The following ADRA1A variants were observed in gnomAD, a reference collection of about 807,000 sequenced individuals.
ADRA1A encodes adrenoceptor alpha 1A.
Under a neutral mutation model 29.6 loss-of-function variants are expected in ADRA1A, and 31 were observed. That is an observed-to-expected ratio of 1.05 (90% CI 0.79 to 1.41). The LOEUF is 1.41. ADRA1A is among the 40% of genes most tolerant of loss of function. The probability of loss-of-function intolerance (pLI) is 0.00; values close to 1 mark genes in which losing one functional copy is unlikely to be tolerated. For missense variants in ADRA1A, 619 were observed against 601.1 expected (o/e 1.03, Z -0.31); for synonymous variants, 311 against 254.3 (o/e 1.22, Z -2.12).
At chr8:26,804,060 C>T (rs1030001567) in intron 2 of ADRA1A, among the ~76,000 whole-genome samples, 2 of 151,298 alleles carry the variant, frequency 1.3e-5, no homozygotes, top group Admixed American at 6.6e-5. Context: ...TAGCTGAGGC[C>T]GCAGGTGTGT....
chr8:26,844,997 G>C (rs552737726), intron 2 of ADRA1A, among the ~76,000 whole-genome samples: 1 of 152,158 alleles, frequency 6.6e-6, no homozygotes, highest in Admixed American at 6.5e-5. Context: ...ATTCAAAGCC[G>C]TCCTGGCCAT....
intron 2 of ADRA1A, among the ~76,000 whole-genome samples, chr8:26,795,159 G>T (rs1367050384): frequency 6.6e-6 from 1 of 151,976 alleles, no homozygotes; most frequent in Non-Finnish European, 1.5e-5. Context: ...TCCAGGTCTG[G>T]CCAGGAAACA....
intron 2 of ADRA1A, among the ~76,000 whole-genome samples, chr8:26,820,028 A>G (rs140802651): frequency 6.6e-6 from 1 of 152,344 alleles, no homozygotes; most frequent in East Asian, 1.9e-4. Flanking sequence ...ATATAATGAT[A>G]AAGGGGTCAA....
At chr8:26,829,268 A>C (rs1192624943) in intron 2 of ADRA1A, among the ~76,000 whole-genome samples, 1 of 152,174 alleles carries the variant, frequency 6.6e-6, no homozygotes, top group Non-Finnish European at 1.5e-5. Context: ...ATAGGCTGAC[A>C]AAAAGTGGCT....
downstream of ADRA1A, among the ~76,000 whole-genome samples, chr8:26,760,997 C>G (rs550070957): frequency 4.6e-5 from 7 of 152,326 alleles, no homozygotes; most frequent in Admixed American, 2.0e-4. Flanking sequence ...ACTTGTTCTG[C>G]TGTGCACCCC....
chr8:26,757,859 G>GCACGCACACA (rs140381456), intron 2 of ADRA1A, among the ~76,000 whole-genome samples: 74,121 of 151,244 alleles, frequency 0.49, 19,289 homozygotes, highest in East Asian at 0.79. Flanking sequence ...ATAAGCACAC[G>GCACGCACACA]CACACACACA....
chr8:26,864,453 C>A lies in ADRA1A; in HGVS notation c.517G>T (p.Glu173Ter). Residue 173 changes from glutamate (E) to a stop codon, truncating the protein, a stop_gained, in exon 2 of 3, where the codon GAG becomes TAG. Coordinates refer to ENST00000380573, the MANE Select transcript of ADRA1A (RefSeq NM_000680.4). LOFTEE classifies it high-confidence loss of function. This position sits in a 1 kb window ranked among gnomAD's most constrained non-coding sequence, Gnocchi z 8.1. ...FGWRQPAPED[E>*]TICQINEEPG... is the part of the protein sequence containing the mutation. ...TCCTCGTTGATCTGGCAGATGGTCTCGTCCTCGGGGGCCGGCTGCCTCCAG... is the reference window on the plus strand; with the variant it reads ...TCCTCGTTGATCTGGCAGATGGTCTAGTCCTCGGGGGCCGGCTGCCTCCAG... 1 of 1,613,452 alleles carries A rather than the reference C, an allele frequency of 6.2e-7. No homozygotes were observed. The highest frequency in any genetic ancestry group is 1.1e-5 in the South Asian group (1 of 91,078).
chr8:26,866,941 G>A lies in ADRA1A; in HGVS notation c.-692C>T. Reference sequence around the variant, plus strand: ...GCCGGCCCCGGCGCACTCACCTGAAGCGCCGCTGCTGAGCCACCAGCTCGC... The same window carrying A: ...GCCGGCCCCGGCGCACTCACCTGAAACGCCGCTGCTGAGCCACCAGCTCGC... On this transcript the variant is annotated 5_prime_UTR_variant, in exon 1 of 3. Transcript: ENST00000380573. The surrounding 1 kb of genome is among the most constrained non-coding windows in gnomAD (Gnocchi z 5.7). 1.0e-6 allele frequency: 1 copy of A among 985,474 alleles called. No homozygotes were observed. The highest frequency in any genetic ancestry group is 1.2e-6 in the Non-Finnish European group (1 of 830,026). 61.0% of individuals were successfully genotyped at this position (985,474 alleles called of 1,614,324 possible). A position where few individuals can be genotyped will look rare whatever the true frequency, so the allele number is the denominator to read the frequency against.
intron 2 of ADRA1A, among the ~76,000 whole-genome samples, chr8:26,835,496 T>C (rs1327795619): frequency 6.6e-6 from 1 of 152,192 alleles, no homozygotes; most frequent in African/African-American, 2.4e-5. Context: ...AAACACATCC[T>C]TCTTCACAGC....
chr8:26,774,995 T>A (rs1806438737), intron 2 of ADRA1A, among the ~76,000 whole-genome samples: 1 of 152,212 alleles, frequency 6.6e-6, no homozygotes, highest in Non-Finnish European at 1.5e-5. Flanking sequence ...CCTCCAGCCA[T>A]CAGGACCTAG....
At chr8:26,817,893 A>G (rs1429655035) in intron 2 of ADRA1A, among the ~76,000 whole-genome samples, 1 of 152,266 alleles carries the variant, frequency 6.6e-6, no homozygotes, top group Non-Finnish European at 1.5e-5. Flanking sequence ...GTGAATGTTT[A>G]CAGTGGCTTT....
intron 2 of ADRA1A, among the ~76,000 whole-genome samples, chr8:26,777,191 A>C (rs1806612364): frequency 6.6e-6 from 1 of 152,176 alleles, no homozygotes; most frequent in African/African-American, 2.4e-5. Context: ...GTCAGCAAGA[A>C]GTTTTTAGAT....
chr8:26,800,600 A>C (rs1412621027), intron 2 of ADRA1A, among the ~76,000 whole-genome samples: 1 of 152,188 alleles, frequency 6.6e-6, no homozygotes, highest in East Asian at 1.9e-4. Flanking sequence ...ATAATATCAA[A>C]GCCATAATAA....
chr8:26,837,394 T>G (rs1406880264), intron 2 of ADRA1A, among the ~76,000 whole-genome samples: 3 of 152,104 alleles, frequency 2.0e-5, no homozygotes, highest in Non-Finnish European at 4.4e-5. Context: ...CTCACACCGG[T>G]AATCCCAGCA....
intron 2 of ADRA1A, among the ~76,000 whole-genome samples, chr8:26,820,136 T>C (rs1258189535): frequency 6.6e-6 from 1 of 152,004 alleles, no homozygotes; most frequent in African/African-American, 2.4e-5. Context: ...TAGAGAGCAA[T>C]ATAATAATAG....
chr8:26,790,011 T>C (rs1488412402), intron 2 of ADRA1A, among the ~76,000 whole-genome samples: 1 of 152,162 alleles, frequency 6.6e-6, no homozygotes, highest in Non-Finnish European at 1.5e-5. Context: ...GGTGGGAATG[T>C]AAACTAGTAC....
At chr8:26,791,342 G>A (rs1807816829) in intron 2 of ADRA1A, among the ~76,000 whole-genome samples, 1 of 152,050 alleles carries the variant, frequency 6.6e-6, no homozygotes, top group Admixed American at 6.6e-5. Flanking sequence ...AAGAATTCTG[G>A]GTCATATAAT....
intron 2 of ADRA1A, among the ~76,000 whole-genome samples, chr8:26,798,554 C>G (rs1808346716): frequency 6.6e-6 from 1 of 152,114 alleles, no homozygotes; most frequent in African/African-American, 2.4e-5. Flanking sequence ...TTTCCCCAGA[C>G]AGAGATGATA....
chr8:26,830,013 G>A (rs901756012), intron 2 of ADRA1A, among the ~76,000 whole-genome samples: 10 of 152,088 alleles, frequency 6.6e-5, no homozygotes, highest in East Asian at 1.9e-4. Flanking sequence ...AAGGAATGTC[G>A]GATGTTTGAA....
Sources: gnomAD v4.1 joint callset for allele counts (sites outside exome capture counted in the v4.1 genomes callset) on GRCh38, gnomAD v4.1.1 for gene constraint, Gnocchi (gnomAD v3.1) non-coding constraint, MANE v1.5 for transcripts, NCBI Gene and HGNC (gene_info 2026-07-23, HGNC 2026-07-21) for gene names.